Variants in CSRNP3 observed in about 807,000 individuals in gnomAD.
CSRNP3 encodes the protein cysteine and serine rich nuclear protein 3.
In CSRNP3, 12 loss-of-function variants were observed where a neutral mutation model predicts 48.0. The ratio of observed to expected loss-of-function variants is 0.25; its 90% CI spans 0.16 to 0.41. CSRNP3 has a LOEUF of 0.41. CSRNP3 is among the 10% of genes least tolerant of loss of function. The probability of loss-of-function intolerance (pLI) is 1.00; values close to 1 mark genes in which losing one functional copy is unlikely to be tolerated. For synonymous variants in CSRNP3, 263 were observed against 269.7 expected, an observed-to-expected ratio of 0.98 and a Z score of 0.24; for missense variants, 580 against 724.4, an observed-to-expected ratio of 0.80 and a Z score of 2.29.
chr2:165,676,242 C>G, intron 5 of CSRNP3, 70 bp from the exon 6 acceptor site: 1 of 1,140,206 alleles, frequency 8.8e-7, no homozygotes, highest in Non-Finnish European at 1.3e-6. Flanking sequence ...TTCATTCTCA[C>G]CCAGTACAAA....
At chr2:165,660,951 A>G (rs929648834) in intron 5 of CSRNP3, among the ~76,000 whole-genome samples, 3 of 152,224 alleles carry the variant, frequency 2.0e-5, no homozygotes, top group African/African-American at 7.2e-5. Flanking sequence ...AAGTATTCAG[A>G]AACACATGTC....
chr2:165,676,223 A>G (rs1558971264), intron 5 of CSRNP3, 89 bp from the exon 6 acceptor site: 1 of 908,522 alleles, frequency 1.1e-6, no homozygotes, highest in Non-Finnish European at 1.7e-6. Flanking sequence ...ACATGATGAT[A>G]TATAATAGTT....
chr2:165,616,439 TC>T (rs1412630646), intron 4 of CSRNP3, among the ~76,000 whole-genome samples: 2 of 152,362 alleles, frequency 1.3e-5, no homozygotes, highest in Admixed American at 6.5e-5. Context: ...CTGAAGCATT[TC>T]CCGTAGGACC....
chr2:165,664,183 A>G (rs1165950922), intron 5 of CSRNP3, among the ~76,000 whole-genome samples: 1 of 152,216 alleles, frequency 6.6e-6, no homozygotes, highest in Non-Finnish European at 1.5e-5. Flanking sequence ...AAAGAACTAT[A>G]TTATAAGATG....
intron 3 of CSRNP3, among the ~76,000 whole-genome samples, chr2:165,533,683 T>A (rs532025304): frequency 2.0e-5 from 3 of 152,102 alleles, no homozygotes; most frequent in African/African-American, 4.8e-5. Flanking sequence ...TTTGTCAAGC[T>A]AAAATAATGA....
Position 165,595,062 on chromosome 2 carries a change from A to T in CSRNP3, c.-4A>T. The T allele has an allele frequency of 6.2e-7, 1 of 1,614,062 alleles. No homozygotes were observed. Among genetic ancestry groups the T allele is most frequent in the African/African-American group, 1.3e-5 (1 of 75,034 alleles). On this transcript the variant is annotated 5_prime_UTR_variant, in exon 4 of 7. Transcript: ENST00000651982. ...TTACAGGTACATGTGACAGCACTGC[A>T]GCGATGAGTGGAATTTTAAAGAGGA...
At chr2:165,554,062 A>G (rs1685133010) in intron 3 of CSRNP3, among the ~76,000 whole-genome samples, 1 of 152,164 alleles carries the variant, frequency 6.6e-6, no homozygotes, top group African/African-American at 2.4e-5. Flanking sequence ...GTCTAATTGT[A>G]AATTTTCAGC....
At chr2:165,552,032 A>C (rs1685102330) in intron 3 of CSRNP3, among the ~76,000 whole-genome samples, 1 of 152,240 alleles carries the variant, frequency 6.6e-6, no homozygotes, top group Non-Finnish European at 1.5e-5. Flanking sequence ...TTGCTTAAGA[A>C]AACTTTATGA....
intron 3 of CSRNP3, among the ~76,000 whole-genome samples, chr2:165,561,123 T>C (rs1043036793): frequency 2.2e-4 from 34 of 152,272 alleles, no homozygotes; most frequent in African/African-American, 7.9e-4. Flanking sequence ...AAAATTTAAA[T>C]TTTTCTGCAG....
At chr2:165,541,619 A>G (rs908550213) in intron 3 of CSRNP3, among the ~76,000 whole-genome samples, 5 of 152,160 alleles carry the variant, frequency 3.3e-5, no homozygotes, top group African/African-American at 1.2e-4. Context: ...GGTGAATTAG[A>G]TAATCTCTGC....
chr2:165,681,760 TACACACACACACACACATACAC>T lies in CSRNP3; in HGVS notation c.*2009_*2030del, dbSNP rs1687548075. 10 of 44,658 alleles carry T rather than the reference TACACACACACACACACATACAC, an allele frequency of 2.2e-4. No homozygotes were observed. In the South Asian group the frequency reaches 2.4e-3, roughly 11 times the overall value. The allele number at this position is 44,658 out of a possible 1,614,324, so 2.8% of individuals were successfully genotyped here. Reference sequence around the variant, plus strand: ...ATATATATATATATATATATATATATACACACACACACACACATACACATATATATACACATATATGTATGTG... The same window carrying T: ...ATATATATATATATATATATATATATATATATATACACATATATGTATGTG... On this transcript the variant is annotated 3_prime_UTR_variant, in exon 7 of 7. Coordinates refer to ENST00000651982, the MANE Select transcript of CSRNP3 (RefSeq NM_001172173.2).
At chr2:165,603,572 G>C (rs1345391284) in intron 4 of CSRNP3, among the ~76,000 whole-genome samples, 1 of 151,638 alleles carries the variant, frequency 6.6e-6, no homozygotes, top group Non-Finnish European at 1.5e-5. Context: ...CCCCAGTGTA[G>C]CACTCACCGC....
In CSRNP3 at chr2:165,633,951, C is replaced by A. The variant is rs182593179; in HGVS notation, c.149-23810C>A. ...ATCTTTCAGTAGTCAAAATTAATTTCTTCATTGGGTTTTCATAACACTCCT... is the reference window on the plus strand; with the variant it reads ...ATCTTTCAGTAGTCAAAATTAATTTATTCATTGGGTTTTCATAACACTCCT... On this transcript the variant is annotated intron_variant, in intron 4 of 6. Transcript: ENST00000651982. 6.9e-3 allele frequency among the ~76,000 whole-genome samples: 1,051 copies of A among 152,290 alleles called. 4 individuals carry two copies. The highest frequency in any genetic ancestry group is 0.011 in the Non-Finnish European group (753 of 68,024).
At chr2:165,538,664 A>C (rs1265917669) in intron 3 of CSRNP3, among the ~76,000 whole-genome samples, 1 of 151,764 alleles carries the variant, frequency 6.6e-6, no homozygotes, top group African/African-American at 2.4e-5. Flanking sequence ...CATTTTTTTC[A>C]TAGTCATCTC....
At chr2:165,501,622 A>G (rs896211438) in intron 2 of CSRNP3, among the ~76,000 whole-genome samples, 1 of 152,130 alleles carries the variant, frequency 6.6e-6, no homozygotes, top group Non-Finnish European at 1.5e-5. Flanking sequence ...TAAACAAATT[A>G]TCTCATTTAA....
intron 3 of CSRNP3, among the ~76,000 whole-genome samples, chr2:165,543,520 A>T (rs753187152): frequency 1.2e-4 from 19 of 152,238 alleles, no homozygotes; most frequent in Non-Finnish European, 2.6e-4. Context: ...ATCTATTTTT[A>T]AAAATTTGGC....
At chr2:165,532,148 C>T (rs1434552377) in intron 3 of CSRNP3, among the ~76,000 whole-genome samples, 1 of 152,174 alleles carries the variant, frequency 6.6e-6, no homozygotes, top group Admixed American at 6.5e-5. Flanking sequence ...GAGCTGGTAC[C>T]ATTCCTTCTG....
At chr2:165,648,496 A>G (rs961076252) in intron 4 of CSRNP3, among the ~76,000 whole-genome samples, 1 of 152,122 alleles carries the variant, frequency 6.6e-6, no homozygotes, top group Non-Finnish European at 1.5e-5. Context: ...ATTTTTTAAA[A>G]AGATTTTTTT....
At chr2:165,608,971 G>A (rs1304892498) in intron 4 of CSRNP3, among the ~76,000 whole-genome samples, 2 of 149,362 alleles carry the variant, frequency 1.3e-5, no homozygotes, top group Non-Finnish European at 3.0e-5. Flanking sequence ...GCTGGGCATG[G>A]TGGCGGGCGC....
Sources: gnomAD v4.1 joint callset for allele counts (sites outside exome capture counted in the v4.1 genomes callset) on GRCh38, gnomAD v4.1.1 for gene constraint, MANE v1.5 for transcripts, NCBI Gene and HGNC (gene_info 2026-07-23, HGNC 2026-07-21) for gene names.